Variants in BTAF1 observed in about 807,000 individuals in gnomAD.
BTAF1 encodes the protein TATA-binding protein-associated factor 172.
In BTAF1, 38 loss-of-function variants were observed where a neutral mutation model predicts 227.1. The observed-to-expected ratio is 0.17, with a 90% CI of 0.13 to 0.22. BTAF1 has a LOEUF of 0.22. Ranked by LOEUF, BTAF1 falls within the 10% of genes least tolerant of loss-of-function variation. BTAF1 has a pLI of 1.00. For synonymous variants in BTAF1, 742 were observed against 751.9 expected, an observed-to-expected ratio of 0.99 and a Z score of 0.21; for missense variants, 1,598 against 2,204.0, an observed-to-expected ratio of 0.73 and a Z score of 5.51.
intron 4 of BTAF1, among the ~76,000 whole-genome samples, chr10:91,943,066 C>A (rs1845120178): frequency 6.6e-6 from 1 of 152,104 alleles, no homozygotes; most frequent in Admixed American, 6.6e-5. Context: ...GTAATCCCAG[C>A]ACTTTGAGAG....
At chr10:91,944,831 C>A (rs1240631052) in intron 4 of BTAF1, among the ~76,000 whole-genome samples, 1 of 152,208 alleles carries the variant, frequency 6.6e-6, no homozygotes. Flanking sequence ...GCATTTAAGT[C>A]AGCAACAGAC....
intron 14 of BTAF1, among the ~76,000 whole-genome samples, 164 bp downstream of exon 14, chr10:91,966,921 A>G (rs1328418695): frequency 1.3e-5 from 2 of 152,222 alleles, no homozygotes; most frequent in African/African-American, 2.4e-5. Flanking sequence ...AAGAGCAGAA[A>G]TATTTTAATA....
Position 91,981,791 on chromosome 10 carries a change from A to G in BTAF1, c.1904A>G (p.Lys635Arg), listed in dbSNP as rs1419228400. Residue 635 changes from lysine to arginine, a missense_variant and splice_region_variant, in exon 16 of 38, where the codon AAG becomes AGG. By Grantham distance (26) the Lys-to-Arg change is conservative (BLOSUM62 2). Transcript: ENST00000265990. Reference protein sequence around the residue: ...NMLLEVKARAKEKTGGKVRQG... With the variant: ...NMLLEVKARAREKTGGKVRQG... ...TTGCTAGAAGTAAAAGCTAGAGCCA[A>G]GGTAAGTGTAGAGGGACATAGTGTA... 6.2e-7 allele frequency: 1 copy of G among 1,612,486 alleles called. No individual in the cohort carries two copies. Among genetic ancestry groups the G allele is most frequent in the East Asian group, 2.2e-5 (1 of 44,862 alleles).
chr10:91,976,975 C>CA (rs1847744227), intron 14 of BTAF1, among the ~76,000 whole-genome samples: 2 of 152,062 alleles, frequency 1.3e-5, no homozygotes, highest in Admixed American at 1.3e-4. Flanking sequence ...GGGTGATGGA[C>CA]AGGGAAGGCA....
chr10:91,951,598 G>C, intron 5 of BTAF1, 32 bp downstream of exon 5: 6 of 1,554,446 alleles, frequency 3.9e-6, no homozygotes, highest in Non-Finnish European at 5.2e-6. Context: ...TTGATTGCAA[G>C]TAATAATACA....
chr10:91,960,197 C>A (rs779996775), intron 11 of BTAF1, 43 bp downstream of exon 11: 1 of 1,582,940 alleles, frequency 6.3e-7, no homozygotes, highest in Non-Finnish European at 8.6e-7. Flanking sequence ...AGAGTTTTTT[C>A]CCCCTTATAG....
intron 1 of BTAF1, among the ~76,000 whole-genome samples, chr10:91,931,928 A>G (rs1003762836): frequency 5.3e-5 from 8 of 152,172 alleles, no homozygotes; most frequent in African/African-American, 1.7e-4. Context: ...CAGGGAGGCA[A>G]TTTTGGTTAC....
intron 2 of BTAF1, among the ~76,000 whole-genome samples, chr10:91,937,308 A>G (rs1564656647): frequency 1.3e-5 from 2 of 151,940 alleles, no homozygotes; most frequent in Admixed American, 6.6e-5. Context: ...TGTTTCTTAA[A>G]CAGCTTTATT....
chr10:92,014,085 G>A, intron 32 of BTAF1, 56 bp downstream of exon 32: 3 of 1,538,298 alleles, frequency 2.0e-6, no homozygotes, highest in Non-Finnish European at 2.6e-6. Context: ...AGATTGTTTT[G>A]TATGAGCCAC....
At chr10:91,978,106 CA>C (rs1847812281) in intron 14 of BTAF1, among the ~76,000 whole-genome samples, 1 of 152,206 alleles carries the variant, frequency 6.6e-6, no homozygotes, top group South Asian at 2.1e-4. Context: ...CATGTATCCA[CA>C]ATTACAGTAT....
Position 92,011,161 on chromosome 10 carries a change from A to ATT in BTAF1, c.4181+20_4181+21dup. ...CATAGATTTCTTTAGGTAAGAATTA[A>ATT]TTTTTTTTTTAGAAAAATTAATATC... On this transcript the variant is annotated intron_variant, in intron 29 of 37. Coordinates refer to ENST00000265990, the MANE Select transcript of BTAF1 (RefSeq NM_003972.3). 4 of 1,472,828 alleles carry ATT rather than the reference A, an allele frequency of 2.7e-6. No homozygotes were observed. Among genetic ancestry groups the ATT allele is most frequent in the Admixed American group, 4.2e-5 (2 of 47,978 alleles). The allele number at this position is 1,472,828 out of a possible 1,614,324, so 91.2% of individuals were successfully genotyped here.
chr10:91,974,462 A>C (rs1420995842), intron 14 of BTAF1, among the ~76,000 whole-genome samples: 1 of 152,194 alleles, frequency 6.6e-6, no homozygotes, highest in African/African-American at 2.4e-5. Context: ...CATTTGTGAA[A>C]ATATATTGTT....
intron 1 of BTAF1, 135 bp from the exon 2 acceptor site, chr10:91,935,522 A>G (rs577440256): frequency 2.8e-5 from 25 of 904,604 alleles, no homozygotes; most frequent in African/African-American, 3.4e-5. Flanking sequence ...TTATTTCACC[A>G]TAATGTCTTT....
At chr10:91,970,513 A>G (rs1237370749) in intron 14 of BTAF1, among the ~76,000 whole-genome samples, 3 of 152,192 alleles carry the variant, frequency 2.0e-5, no homozygotes, top group Non-Finnish European at 2.9e-5. Flanking sequence ...TTGTGCAGGG[A>G]AACTCCTGTT....
At chr10:91,964,236 G>C in intron 13 of BTAF1, 35 bp downstream of exon 13, 1 of 1,594,284 alleles carries the variant, frequency 6.3e-7, no homozygotes, top group Non-Finnish European at 8.6e-7. Context: ...AAAGTAAAAA[G>C]TCTTTACATA....
chr10:92,025,463 C>A (rs1035677912), intron 35 of BTAF1, among the ~76,000 whole-genome samples: 2 of 151,650 alleles, frequency 1.3e-5, no homozygotes, highest in African/African-American at 4.8e-5. Flanking sequence ...ATGCAGATTC[C>A]TAGGTTCTGC....
chr10:92,000,035 A>G (rs1849409996), intron 25 of BTAF1, among the ~76,000 whole-genome samples: 1 of 152,126 alleles, frequency 6.6e-6, no homozygotes, highest in Non-Finnish European at 1.5e-5. Flanking sequence ...GGTTGTATAG[A>G]TGTTTGTTTT....
rs780603634 is a variant in BTAF1 at position 91,981,789 on chromosome 10, C to T, written c.1902C>T (p.Ala634=). The change falls in exon 16 of 38, where the codon GCC becomes GCT. Residue 634 remains alanine, a synonymous_variant. Transcript: ENST00000265990. ...LNMLLEVKAR[A]KEKTGGKVRQ... ...TGTTGCTAGAAGTAAAAGCTAGAGCCAAGGTAAGTGTAGAGGGACATAGTG... is the reference window on the plus strand; with the variant it reads ...TGTTGCTAGAAGTAAAAGCTAGAGCTAAGGTAAGTGTAGAGGGACATAGTG... 1 of 1,612,382 alleles carries T rather than the reference C, an allele frequency of 6.2e-7. No homozygotes were observed. Among genetic ancestry groups the T allele is most frequent in the Non-Finnish European group, 8.5e-7 (1 of 1,179,208 alleles).
rs1469704067 is a variant in BTAF1 at position 91,989,502 on chromosome 10, T to C, written c.2776T>C (p.Ser926Pro). The C allele has an allele frequency of 6.2e-7, 1 of 1,613,834 alleles. No individual in the cohort carries two copies. The highest frequency in any genetic ancestry group is 1.7e-5 in the Admixed American group (1 of 60,024). The change falls in exon 20 of 38, where the codon TCA (serine) becomes CCA (proline). Residue 926 changes from serine (S) to proline (P), a missense_variant. Transcript: ENST00000265990. ...AAAAATTATTAAAAACCTCTGTAGC[T>C]CACTTTGTGTGGACCCATATCTAAC... ...NSKIIKNLCS[S>P]LCVDPYLTPC... is the part of the protein sequence containing the mutation.
Sources: allele counts gnomAD v4.1 joint callset (sites outside exome capture counted in the v4.1 genomes callset), GRCh38; gene constraint gnomAD v4.1.1; transcripts MANE v1.5; gene names NCBI Gene and HGNC (gene_info 2026-07-23, HGNC 2026-07-21).